The following COL26A1 variants were observed in gnomAD, a reference collection of about 807,000 sequenced individuals.
The protein encoded by COL26A1 is collagen alpha-1(XXVI) chain.
A neutral mutation model predicts 59.3 loss-of-function variants in COL26A1; 41 were observed. The observed-to-expected ratio is 0.69, with a 90% confidence interval of 0.54 to 0.90. The LOEUF (loss-of-function observed/expected upper bound fraction) is 0.90. COL26A1 is among the 40% of genes least tolerant of loss of function. COL26A1 has a pLI of 0.00. For missense variants in COL26A1, 612 were observed against 602.3 expected, an observed-to-expected ratio of 1.02 and a Z score of -0.17; for synonymous variants, 266 against 256.0, an observed-to-expected ratio of 1.04 and a Z score of -0.37.
At chr7:101,532,792 A>G (rs1295605079) in intron 3 of COL26A1, among the ~76,000 whole-genome samples, 2 of 152,178 alleles carry the variant, frequency 1.3e-5, no homozygotes, top group African/African-American at 4.8e-5. Flanking sequence ...ACACAATAGA[A>G]AAAGACCCCT....
At chr7:101,542,388 A>G (rs1238323287) in intron 5 of COL26A1, among the ~76,000 whole-genome samples, 2 of 152,220 alleles carry the variant, frequency 1.3e-5, no homozygotes, top group African/African-American at 4.8e-5. Context: ...GGTGTGAGCT[A>G]GCGCACCCAG....
chr7:101,454,936 T>C (rs1411459630), intron 3 of COL26A1, among the ~76,000 whole-genome samples: 1 of 152,138 alleles, frequency 6.6e-6, no homozygotes, highest in African/African-American at 2.4e-5. Flanking sequence ...TTCACTAAGG[T>C]AGTGTAAATG....
intron 3 of COL26A1, among the ~76,000 whole-genome samples, chr7:101,512,617 G>T (rs67232716): frequency 6.6e-6 from 1 of 152,052 alleles, no homozygotes; most frequent in Admixed American, 6.6e-5. Context: ...GCAAGACCCT[G>T]TCTCAAAAAA....
At position 101,394,068 on chromosome 7, in the gene COL26A1, G is replaced by A. The variant is rs1303712707; in HGVS notation, c.159-25909G>A. 2.6e-5 allele frequency among the ~76,000 whole-genome samples: 4 copies of A among 152,058 alleles called. No individual in the cohort carries two copies. In the East Asian group the frequency reaches 7.8e-4, roughly 29 times the overall value. ...GCTGGGATTATAGGCATGAGCCACT[G>A]CGCCTGGCTGGGAACCAATGCTTAT... On this transcript the variant is annotated intron_variant, in intron 1 of 12. Transcript: ENST00000313669.
intron 1 of COL26A1, among the ~76,000 whole-genome samples, chr7:101,378,820 C>A (rs2117024203): frequency 6.6e-6 from 1 of 152,166 alleles, no homozygotes; most frequent in South Asian, 2.1e-4. Context: ...GTTCCCAGCC[C>A]CTTGGAGGAT....
intron 2 of COL26A1, 52 bp downstream of exon 2, chr7:101,420,151 C>A: frequency 6.2e-7 from 1 of 1,601,070 alleles, no homozygotes; most frequent in Non-Finnish European, 8.5e-7. Flanking sequence ...TTCCCTCGGA[C>A]AAAACCAGTC....
At chr7:101,424,705 C>G (rs1330134804) in intron 2 of COL26A1, among the ~76,000 whole-genome samples, 2 of 152,158 alleles carry the variant, frequency 1.3e-5, no homozygotes, top group Non-Finnish European at 2.9e-5. Context: ...TGTCTGTGGC[C>G]TTGGGGCTGC....
chr7:101,398,901 G>A (rs1011056521), intron 1 of COL26A1, among the ~76,000 whole-genome samples: 4 of 152,108 alleles, frequency 2.6e-5, no homozygotes, highest in Non-Finnish European at 5.9e-5. Context: ...GTGCTGGGAA[G>A]GTGGGAGTGG....
intron 3 of COL26A1, among the ~76,000 whole-genome samples, chr7:101,469,060 G>A (rs551151909): frequency 7.9e-5 from 12 of 152,172 alleles, no homozygotes; most frequent in Non-Finnish European, 1.8e-4. Context: ...CTGGCAGAGC[G>A]CATCAGCAGA....
intron 2 of COL26A1, among the ~76,000 whole-genome samples, chr7:101,429,206 G>A (rs2130310083): frequency 6.6e-6 from 1 of 152,158 alleles, no homozygotes; most frequent in African/African-American, 2.4e-5. Flanking sequence ...TTACAGGTGT[G>A]AGCCACCATG....
At chr7:101,473,667 AAAAAAC>A (rs200560582) in intron 3 of COL26A1, among the ~76,000 whole-genome samples, 5 of 144,662 alleles carry the variant, frequency 3.5e-5, no homozygotes, top group East Asian at 3.9e-4. Context: ...CACACACAAC[AAAAAAC>A]AAAAACAAAA....
chr7:101,553,115 C>A, intron 10 of COL26A1: 1 of 501,242 alleles, frequency 2.0e-6, no homozygotes, highest in Non-Finnish European at 3.6e-6. Flanking sequence ...CACTTCCCTG[C>A]CATGCCAGGC....
intron 2 of COL26A1, among the ~76,000 whole-genome samples, chr7:101,422,987 G>A (rs534318012): frequency 3.0e-4 from 46 of 152,174 alleles, no homozygotes; most frequent in African/African-American, 8.4e-4. Flanking sequence ...TAACGCAGCC[G>A]GGCACGGTGG....
At chr7:101,440,158 G>C (rs1793017918) in intron 2 of COL26A1, among the ~76,000 whole-genome samples, 1 of 152,106 alleles carries the variant, frequency 6.6e-6, no homozygotes. Flanking sequence ...CTGAGGTCAG[G>C]AGTTCAAGAC....
At chr7:101,387,101 C>T (rs116256329) in intron 1 of COL26A1, among the ~76,000 whole-genome samples, 1,825 of 152,202 alleles carry the variant, frequency 0.012, 38 homozygotes, top group African/African-American at 0.042. Flanking sequence ...GCCAGGGGTG[C>T]CACTGGGAAA....
rs541739687 is a variant in COL26A1 at position 101,549,174 on chromosome 7, C to A, written c.944C>A (p.Pro315His). ...CCATCTGTGACTCTGCCCACAGGTC[C>A]CCCTGGGCCTCGAGGTCCCCCAGGA... ...GPRGPPGPPG[P>H]PGPRGPPGPP... Residue 315 changes from proline to histidine, a missense_variant, in exon 9 of 13, where the codon CCC becomes CAC. Coordinates refer to ENST00000313669, the MANE Select transcript of COL26A1 (RefSeq NM_001278563.3). 39 of 1,591,974 alleles carry A rather than the reference C, an allele frequency of 2.4e-5. No individual in the cohort carries two copies. The Admixed American group carries it at 6.9e-4, about 28-fold the overall frequency.
At chr7:101,545,038 G>A (rs978188237) in intron 6 of COL26A1, among the ~76,000 whole-genome samples, 10 of 152,194 alleles carry the variant, frequency 6.6e-5, no homozygotes, top group African/African-American at 2.4e-4. Flanking sequence ...CAGGGCTGAA[G>A]TCCCTGGGAG....
At chr7:101,554,567 T>TAA (rs57638079) in intron 11 of COL26A1, among the ~76,000 whole-genome samples, 50 of 120,502 alleles carry the variant, frequency 4.1e-4, no homozygotes, top group Admixed American at 9.5e-4. Context: ...CCCCATTTCT[T>TAA]AAAAAAAAAA....
In COL26A1 at chr7:101,543,992, C is replaced by A. The variant is rs748490603; in HGVS notation, c.605-6C>A. 1.3e-6 allele frequency: 2 copies of A among 1,552,674 alleles called. No individual in the cohort carries two copies. Among genetic ancestry groups the A allele is most frequent in the African/African-American group, 2.7e-5 (2 of 73,316 alleles). The stretch of plus-strand genomic sequence containing the variant: ...GTTCTGATGCCCTGTCTCCTTCTCT[C>A]CCCAGGGCCCCCGGGGCAGACAGGA... On this transcript the variant is annotated splice_polypyrimidine_tract_variant and splice_region_variant and intron_variant, in intron 5 of 12. Coordinates refer to ENST00000313669, the MANE Select transcript of COL26A1 (RefSeq NM_001278563.3).
Sources: allele counts gnomAD v4.1 joint callset (sites outside exome capture counted in the v4.1 genomes callset), GRCh38; gene constraint gnomAD v4.1.1; transcripts MANE v1.5; gene names NCBI Gene and HGNC (gene_info 2026-07-23, HGNC 2026-07-21).